GRID2: variants seen among roughly 807,000 people sequenced by gnomAD.
GRID2 encodes glutamate ionotropic receptor delta type subunit 2, also known as glutamate receptor ionotropic, delta-2.
A neutral mutation model predicts 114.8 loss-of-function variants in GRID2; 33 were observed. That is an observed-to-expected ratio of 0.29 (90% CI 0.22 to 0.38). The LOEUF (loss-of-function observed/expected upper bound fraction) is 0.38, where lower values mean the gene tolerates loss of function less well. GRID2 is among the 10% of genes least tolerant of loss of function. The pLI is 1.00. For synonymous variants in GRID2, 505 were observed against 449.9 expected (o/e 1.12, Z -1.55); for missense variants, 1,184 against 1,257.7 (o/e 0.94, Z 0.89).
intron 2 of GRID2, among the ~76,000 whole-genome samples, chr4:92,795,113 T>A (rs950738897): frequency 6.6e-6 from 1 of 151,260 alleles, no homozygotes; most frequent in African/African-American, 2.4e-5. Flanking sequence ...GTCTGGCTGT[T>A]TTAGGGTGGC....
chr4:92,875,150 T>TTG (rs1491141728), intron 2 of GRID2, among the ~76,000 whole-genome samples: 5 of 40,382 alleles, frequency 1.2e-4, no homozygotes, highest in African/African-American at 4.4e-4. Context: ...ACTCAAAAGG[T>TTG]TTTTTTTTTT....
intron 13 of GRID2, among the ~76,000 whole-genome samples, chr4:93,602,543 C>T (rs1344615311): frequency 6.6e-6 from 1 of 152,148 alleles, no homozygotes; most frequent in Non-Finnish European, 1.5e-5. Context: ...TGATCTGTTA[C>T]CAGTGATATT....
chr4:93,447,819 AC>A (rs947496738), intron 10 of GRID2, among the ~76,000 whole-genome samples: 2 of 152,092 alleles, frequency 1.3e-5, no homozygotes, highest in African/African-American at 4.8e-5. Flanking sequence ...GAAATCACAT[AC>A]AAAAAAAGAA....
chr4:93,174,725 C>A (rs1217926010), intron 4 of GRID2, among the ~76,000 whole-genome samples: 1 of 152,040 alleles, frequency 6.6e-6, no homozygotes, highest in African/African-American at 2.4e-5. Flanking sequence ...TAATTGGCAC[C>A]CTTACCTAGG....
chr4:93,322,353 A>G lies in GRID2; in HGVS notation c.1246-73254A>G, dbSNP rs1478826931. On this transcript the variant is annotated intron_variant, in intron 8 of 15. Transcript: ENST00000282020. ...AGAATGATGGTTTCCAGCTTCATCC[A>G]TGTCCTTACAAAGGACATGAACTCA... Among the ~76,000 whole-genome samples, 3 of 152,102 alleles carry G rather than the reference A, an allele frequency of 2.0e-5. No individual in the cohort carries two copies. In the East Asian group the frequency reaches 5.8e-4, roughly 29 times the overall value.
intron 8 of GRID2, among the ~76,000 whole-genome samples, chr4:93,338,308 G>A (rs1445290672): frequency 6.6e-6 from 1 of 152,010 alleles, no homozygotes; most frequent in African/African-American, 2.4e-5. Flanking sequence ...AATCAACAAA[G>A]CAATATATCA....
chr4:92,377,951 A>T (rs1353110965), intron 1 of GRID2, among the ~76,000 whole-genome samples: 1 of 152,214 alleles, frequency 6.6e-6, no homozygotes, highest in East Asian at 1.9e-4. Context: ...CCAATATTTC[A>T]ACGTATGTGG....
intron 1 of GRID2, among the ~76,000 whole-genome samples, chr4:92,489,512 G>T (rs1723049969): frequency 6.6e-6 from 1 of 151,668 alleles, no homozygotes; most frequent in Admixed American, 6.6e-5. Flanking sequence ...GTCTTTGATT[G>T]AACAATGATG....
intron 1 of GRID2, among the ~76,000 whole-genome samples, chr4:92,334,911 C>G (rs948117714): frequency 8.5e-5 from 13 of 152,338 alleles, no homozygotes; most frequent in Admixed American, 7.2e-4. Context: ...CTGTGAACCT[C>G]TGGATCAAAT....
At chr4:92,447,130 A>G (rs1032149804) in intron 1 of GRID2, among the ~76,000 whole-genome samples, 1 of 152,224 alleles carries the variant, frequency 6.6e-6, no homozygotes, top group African/African-American at 2.4e-5. Context: ...GATTGCAGAT[A>G]GTAATGCATT....
At chr4:93,107,210 G>T (rs1732322635) in intron 3 of GRID2, among the ~76,000 whole-genome samples, 1 of 152,112 alleles carries the variant, frequency 6.6e-6, no homozygotes, top group Admixed American at 6.6e-5. Flanking sequence ...GAGGTGGGAG[G>T]ATCGCTTAAG....
rs561338097 is a variant in GRID2 at position 92,361,120 on chromosome 4, G to T, written c.88+56376G>T. On this transcript the variant is annotated intron_variant, in intron 1 of 15. Coordinates refer to ENST00000282020, the MANE Select transcript of GRID2 (RefSeq NM_001510.4). The stretch of plus-strand genomic sequence containing the variant: ...TTAACTCCAACTAAAACTCCATTAG[G>T]TTAGGTACTATTATTACCCTCAATC... Among the ~76,000 whole-genome samples, 34 of 151,958 alleles carry T rather than the reference G, an allele frequency of 2.2e-4. No individual in the cohort carries two copies. The South Asian group carries it at 2.5e-3, about 11-fold the overall frequency.
intron 2 of GRID2, among the ~76,000 whole-genome samples, chr4:92,847,625 C>A (rs1045043465): frequency 2.6e-4 from 40 of 151,784 alleles, no homozygotes; most frequent in African/African-American, 8.2e-4. Flanking sequence ...TAGCTTTATT[C>A]TTACATACAC....
At chr4:92,306,736 T>C (rs1172225307) in intron 1 of GRID2, among the ~76,000 whole-genome samples, 1 of 152,216 alleles carries the variant, frequency 6.6e-6, no homozygotes, top group Non-Finnish European at 1.5e-5. Flanking sequence ...ACAAAACTGT[T>C]GTATTTTTTA....
intron 9 of GRID2, among the ~76,000 whole-genome samples, chr4:93,416,874 G>C (rs767620075): frequency 6.6e-6 from 1 of 152,078 alleles, no homozygotes; most frequent in Non-Finnish European, 1.5e-5. Flanking sequence ...AAGCAGGTCT[G>C]TGGATCCTCA....
intron 9 of GRID2, among the ~76,000 whole-genome samples, chr4:93,418,009 A>G (rs1258714876): frequency 6.7e-6 from 1 of 149,882 alleles, no homozygotes; most frequent in Non-Finnish European, 1.5e-5. Context: ...GCATATTCAT[A>G]CTAGATAAAT....
intron 2 of GRID2, among the ~76,000 whole-genome samples, chr4:92,738,447 A>G (rs1156352423): frequency 6.6e-6 from 1 of 152,096 alleles, no homozygotes; most frequent in Non-Finnish European, 1.5e-5. Flanking sequence ...ATTTGTTTTA[A>G]TATCTCATCT....
chr4:93,589,296 G>A lies in GRID2; in HGVS notation c.2194-36973G>A, dbSNP rs191359138. On this transcript the variant is annotated intron_variant, in intron 13 of 15. Coordinates refer to ENST00000282020, the MANE Select transcript of GRID2 (RefSeq NM_001510.4). ...AATTCCCACCTATGAGTGAGAATAT[G>A]TGGTGTTTGGTTTTTTTGTTCTTGC... Among the ~76,000 whole-genome samples, 33 of 149,368 alleles carry A rather than the reference G, an allele frequency of 2.2e-4. No homozygotes were observed. In the East Asian group the frequency reaches 6.5e-3, roughly 29 times the overall value.
chr4:92,843,028 C>G (rs1224105089), intron 2 of GRID2, among the ~76,000 whole-genome samples: 1 of 151,988 alleles, frequency 6.6e-6, no homozygotes, highest in African/African-American at 2.4e-5. Flanking sequence ...CATTTGAGCC[C>G]AGGAGTTTGA....
Sources: gnomAD v4.1 joint callset for allele counts (sites outside exome capture counted in the v4.1 genomes callset) on GRCh38, gnomAD v4.1.1 for gene constraint, MANE v1.5 for transcripts, NCBI Gene and HGNC (gene_info 2026-07-23, HGNC 2026-07-21) for gene names.